Variants in FUT9 observed in about 807,000 individuals in gnomAD.
FUT9 encodes fucosyltransferase 9, also known as 4-galactosyl-N-acetylglucosaminide 3-alpha-L-fucosyltransferase 9.
FUT9 carries 15 observed loss-of-function variants against 29.7 expected under a neutral mutation model. The observed-to-expected ratio is 0.51, with a 90% CI of 0.34 to 0.78. The LOEUF (loss-of-function observed/expected upper bound fraction) is 0.78. Ranked by LOEUF, FUT9 falls within the 30% of genes least tolerant of loss-of-function variation. The probability of loss-of-function intolerance (pLI) is 0.01; values close to 1 mark genes in which losing one functional copy is unlikely to be tolerated. For missense variants in FUT9, 319 were observed against 425.4 expected (o/e 0.75, Z 2.20); for synonymous variants, 169 against 153.7 (o/e 1.10, Z -0.74).
At chr6:96,136,250 C>T (rs554001185) in intron 2 of FUT9, among the ~76,000 whole-genome samples, 3 of 151,808 alleles carry the variant, frequency 2.0e-5, no homozygotes, top group East Asian at 3.9e-4. Context: ...AGTCATTTGT[C>T]TTGACTTCCT....
chr6:96,086,863 T>C (rs375491761), intron 1 of FUT9, among the ~76,000 whole-genome samples: 10 of 152,180 alleles, frequency 6.6e-5, no homozygotes, highest in African/African-American at 2.4e-4. Context: ...CTGTCTGAAC[T>C]AAGGTATTAA....
At chr6:96,025,021 A>G (rs1770139597) in intron 1 of FUT9, among the ~76,000 whole-genome samples, 2 of 151,940 alleles carry the variant, frequency 1.3e-5, no homozygotes, top group South Asian at 4.1e-4. Flanking sequence ...GTAAGTCAAC[A>G]CAGCATTTGC....
At chr6:96,186,195 A>G (rs761497629) in intron 2 of FUT9, among the ~76,000 whole-genome samples, 9 of 152,046 alleles carry the variant, frequency 5.9e-5, no homozygotes, top group Non-Finnish European at 1.3e-4. Context: ...GGCTGTTGAC[A>G]TCTTTGTGGC....
intron 2 of FUT9, among the ~76,000 whole-genome samples, chr6:96,178,285 A>T (rs1773241913): frequency 6.6e-6 from 1 of 152,202 alleles, no homozygotes; most frequent in African/African-American, 2.4e-5. Flanking sequence ...ATTTGAATTC[A>T]TTTTGAATTC....
intron 1 of FUT9, among the ~76,000 whole-genome samples, chr6:96,068,586 T>G (rs1316611419): frequency 6.6e-6 from 1 of 152,164 alleles, no homozygotes; most frequent in African/African-American, 2.4e-5. Context: ...CTCTATCGCA[T>G]TGATTAGCAT....
At chr6:96,153,409 G>T (rs913945792) in intron 2 of FUT9, among the ~76,000 whole-genome samples, 38 of 152,052 alleles carry the variant, frequency 2.5e-4, no homozygotes, top group Admixed American at 2.5e-3. Context: ...TATATTTGGG[G>T]GATATTGGAA....
At chr6:96,021,760 G>A (rs1018147015) in intron 1 of FUT9, among the ~76,000 whole-genome samples, 1 of 152,000 alleles carries the variant, frequency 6.6e-6, no homozygotes, top group Non-Finnish European at 1.5e-5. Flanking sequence ...CGTATTACAT[G>A]TCATCTGACC....
At chr6:96,153,764 T>A (rs1249030521) in intron 2 of FUT9, among the ~76,000 whole-genome samples, 2 of 152,204 alleles carry the variant, frequency 1.3e-5, no homozygotes, top group Non-Finnish European at 1.5e-5. Flanking sequence ...TCCTTACAGT[T>A]TTCAATTATG....
intron 1 of FUT9, among the ~76,000 whole-genome samples, chr6:96,037,944 G>T (rs1323938250): frequency 6.6e-6 from 1 of 152,022 alleles, no homozygotes; most frequent in African/African-American, 2.4e-5. Flanking sequence ...GAAGGTATTA[G>T]AAGTTTCCAG....
intron 2 of FUT9, among the ~76,000 whole-genome samples, chr6:96,122,511 C>T (rs1047329716): frequency 2.6e-5 from 4 of 152,068 alleles, no homozygotes; most frequent in Non-Finnish European, 5.9e-5. Flanking sequence ...ATTTCTAATC[C>T]GTATGTACAC....
intron 1 of FUT9, among the ~76,000 whole-genome samples, chr6:96,089,445 T>A (rs1582221776): frequency 1.3e-5 from 2 of 152,286 alleles, no homozygotes. Context: ...CTTGTTTGCA[T>A]CTCCTTTCTC....
At chr6:96,181,763 C>A (rs1172304270) in intron 2 of FUT9, among the ~76,000 whole-genome samples, 1 of 151,964 alleles carries the variant, frequency 6.6e-6, no homozygotes, top group Non-Finnish European at 1.5e-5. Flanking sequence ...TTATTTTATT[C>A]CTTTTTAGGG....
chr6:96,087,555 C>T lies in FUT9; in HGVS notation c.-97-26484C>T, dbSNP rs191306304. On this transcript the variant is annotated intron_variant, in intron 1 of 2. Coordinates refer to ENST00000302103, the MANE Select transcript of FUT9 (RefSeq NM_006581.4). ...CTAATTTTTGTAGTTTTAGTAGAGACGGGGTTTCACCATGTTGGTCAGGAT... is the reference window on the plus strand; with the variant it reads ...CTAATTTTTGTAGTTTTAGTAGAGATGGGGTTTCACCATGTTGGTCAGGAT... Among the ~76,000 whole-genome samples the T allele has an allele frequency of 5.5e-4, 84 of 151,822 alleles. 1 individual carries two copies. The East Asian group carries it at 0.014, about 25-fold the overall frequency.
chr6:96,203,547 G>T lies in FUT9; in HGVS notation c.392G>T (p.Trp131Leu), dbSNP rs1247223668. The T allele has an allele frequency of 6.2e-7, 1 of 1,613,410 alleles. No homozygotes were observed. The highest frequency in any genetic ancestry group is 1.3e-5 in the African/African-American group (1 of 74,748). ...CAAGCTAGGCCACCCTTCCAGAAATGGATTTGGATGAATTTGGAATCACCA... is the reference window on the plus strand; with the variant it reads ...CAAGCTAGGCCACCCTTCCAGAAATTGATTTGGATGAATTTGGAATCACCA... ...PQQARPPFQKWIWMNLESPTH... is the reference protein window; with the variant it reads ...PQQARPPFQKLIWMNLESPTH... The change falls in exon 3 of 3, where the codon TGG becomes TTG. Residue 131 changes from tryptophan to leucine, a missense_variant. Coordinates refer to ENST00000302103, the MANE Select transcript of FUT9 (RefSeq NM_006581.4).
At chr6:96,047,341 T>A (rs906174321) in intron 1 of FUT9, among the ~76,000 whole-genome samples, 1 of 152,198 alleles carries the variant, frequency 6.6e-6, no homozygotes, top group African/African-American at 2.4e-5. Context: ...CACAGGACAT[T>A]TGCCTCTGCT....
chr6:96,163,817 C>T (rs1409513182), intron 2 of FUT9, among the ~76,000 whole-genome samples: 1 of 152,164 alleles, frequency 6.6e-6, no homozygotes, highest in Non-Finnish European at 1.5e-5. Context: ...AGCCACTGTG[C>T]CCAGCTAAGC....
chr6:96,119,558 T>C (rs1471394920), intron 2 of FUT9, among the ~76,000 whole-genome samples: 1 of 152,198 alleles, frequency 6.6e-6, no homozygotes, highest in East Asian at 1.9e-4. Context: ...CACAAAAGCA[T>C]TCATCATGTA....
At chr6:96,087,101 A>G (rs117606782) in intron 1 of FUT9, among the ~76,000 whole-genome samples, 6,617 of 152,252 alleles carry the variant, frequency 0.043, 169 homozygotes, top group East Asian at 0.086. Context: ...TTAAAAATCT[A>G]GACCTGGTTT....
At chr6:96,138,611 A>ACAGTC (rs987332280) in intron 2 of FUT9, among the ~76,000 whole-genome samples, 2 of 152,164 alleles carry the variant, frequency 1.3e-5, no homozygotes, top group African/African-American at 4.8e-5. Flanking sequence ...GACACAATTA[A>ACAGTC]CAGTCTGAAA....
Sources: gnomAD v4.1 joint callset for allele counts (sites outside exome capture counted in the v4.1 genomes callset) on GRCh38, gnomAD v4.1.1 for gene constraint, MANE v1.5 for transcripts, NCBI Gene and HGNC (gene_info 2026-07-23, HGNC 2026-07-21) for gene names.